LRRC4C: variants seen among roughly 807,000 people sequenced by gnomAD.
LRRC4C encodes leucine-rich repeat-containing protein 4C.
A neutral mutation model predicts 33.6 loss-of-function variants in LRRC4C; 5 were observed. The ratio of observed to expected loss-of-function variants is 0.15; its 90% CI spans 0.08 to 0.31. The LOEUF (loss-of-function observed/expected upper bound fraction) is 0.31. LRRC4C is among the 10% of genes least tolerant of loss of function. The pLI is 1.00. For synonymous variants in LRRC4C, 329 were observed against 302.0 expected, an observed-to-expected ratio of 1.09 and a Z score of -0.93; for missense variants, 560 against 796.7, an observed-to-expected ratio of 0.70 and a Z score of 3.58.
intron 1 of LRRC4C, among the ~76,000 whole-genome samples, chr11:41,324,813 C>A (rs997460): frequency 0.18 from 27,286 of 152,160 alleles, 2,855 homozygotes; most frequent in East Asian, 0.45. Flanking sequence ...CCTATGAATG[C>A]ATCTTTTCTT....
Position 40,935,825 on chromosome 11 carries a change from A to G in LRRC4C, c.-495-2102T>C, listed in dbSNP as rs542569714. 3.3e-5 allele frequency among the ~76,000 whole-genome samples: 5 copies of G among 151,516 alleles called. No individual in the cohort carries two copies. The East Asian group carries it at 9.8e-4, about 30-fold the overall frequency. On this transcript the variant is annotated intron_variant, in intron 1 of 6. Coordinates refer to ENST00000528697, the MANE Select transcript of LRRC4C (RefSeq NM_001258419.2). Reference sequence around the variant, plus strand: ...TAAATGAGTTCATTCTCTTGATTTAAGAAAATCTAGGTTCTACTTCCTGTT... The same window carrying G: ...TAAATGAGTTCATTCTCTTGATTTAGGAAAATCTAGGTTCTACTTCCTGTT...
At chr11:41,407,937 C>T (rs890044894) in intron 1 of LRRC4C, among the ~76,000 whole-genome samples, 1 of 152,170 alleles carries the variant, frequency 6.6e-6, no homozygotes, top group Non-Finnish European at 1.5e-5. Flanking sequence ...TTCTCAGAGA[C>T]AGCTTGCCTT....
At chr11:41,080,342 CTTT>C (rs71060997) in intron 1 of LRRC4C, among the ~76,000 whole-genome samples, 5 of 103,458 alleles carry the variant, frequency 4.8e-5, no homozygotes, top group South Asian at 3.6e-4. Context: ...GAGTCTCCTC[CTTT>C]TTTTTTTTTT....
chr11:40,787,778 A>C (rs1950474700), intron 2 of LRRC4C, among the ~76,000 whole-genome samples: 1 of 152,228 alleles, frequency 6.6e-6, no homozygotes, highest in African/African-American at 2.4e-5. Flanking sequence ...GAGCTAGCTG[A>C]GTGTAAAGTC....
chr11:41,379,740 A>G (rs1953072851), intron 1 of LRRC4C, among the ~76,000 whole-genome samples: 1 of 151,942 alleles, frequency 6.6e-6, no homozygotes, highest in African/African-American at 2.4e-5. Flanking sequence ...AACACTGGTG[A>G]TGTTAGGGGT....
chr11:40,665,306 C>A, intron 2 of LRRC4C, among the ~76,000 whole-genome samples: 1 of 30,574 alleles, frequency 3.3e-5, no homozygotes, highest in Non-Finnish European at 5.5e-5. Context: ...TCATTGCTTT[C>A]TTAAAAAAAA....
intron 2 of LRRC4C, among the ~76,000 whole-genome samples, chr11:40,864,475 A>G (rs750464126): frequency 8.5e-5 from 13 of 152,212 alleles, no homozygotes; most frequent in African/African-American, 1.2e-4. Context: ...CAATGGCAGA[A>G]CTGAGTAGTT....
At chr11:41,126,588 C>T (rs1293443627) in intron 1 of LRRC4C, among the ~76,000 whole-genome samples, 1 of 151,950 alleles carries the variant, frequency 6.6e-6, no homozygotes, top group Non-Finnish European at 1.5e-5. Context: ...CCAAAAGAAC[C>T]ATACTTCCTA....
At chr11:40,826,688 T>C (rs1036973577) in intron 2 of LRRC4C, among the ~76,000 whole-genome samples, 9 of 152,080 alleles carry the variant, frequency 5.9e-5, no homozygotes, top group South Asian at 2.1e-4. Context: ...TTGATACTAA[T>C]TGGAAAACTT....
chr11:40,632,596 C>T (rs571702480), intron 3 of LRRC4C, among the ~76,000 whole-genome samples: 4 of 152,322 alleles, frequency 2.6e-5, no homozygotes, highest in Admixed American at 2.0e-4. Context: ...TTAAATGTAG[C>T]TTTAAATACT....
intron 3 of LRRC4C, among the ~76,000 whole-genome samples, chr11:40,631,762 A>G (rs1010907211): frequency 1.8e-4 from 28 of 152,300 alleles, no homozygotes; most frequent in Non-Finnish European, 3.4e-4. Context: ...TTAGTATAGA[A>G]GCATTTGATC....
chr11:40,178,848 T>C (rs1379471032), intron 5 of LRRC4C, among the ~76,000 whole-genome samples: 1 of 152,180 alleles, frequency 6.6e-6, no homozygotes. Flanking sequence ...CTCTCCTGGC[T>C]ACCAGTAGCC....
At chr11:41,292,832 T>C (rs564261327) in intron 1 of LRRC4C, among the ~76,000 whole-genome samples, 1 of 152,218 alleles carries the variant, frequency 6.6e-6, no homozygotes, top group South Asian at 2.1e-4. Context: ...CTTAAAAAAT[T>C]TTTCAGGAGT....
At chr11:41,067,760 A>G (rs1026630125) in intron 1 of LRRC4C, among the ~76,000 whole-genome samples, 3 of 152,214 alleles carry the variant, frequency 2.0e-5, no homozygotes, top group African/African-American at 7.2e-5. Context: ...CTCACTTAAA[A>G]CCACACAACT....
chr11:41,146,580 C>G (rs1943736400), intron 1 of LRRC4C, among the ~76,000 whole-genome samples: 1 of 152,200 alleles, frequency 6.6e-6, no homozygotes, highest in Non-Finnish European at 1.5e-5. Flanking sequence ...AGCTCATTCA[C>G]TTAACAAACA....
At chr11:41,370,738 C>A (rs555082241) in intron 1 of LRRC4C, among the ~76,000 whole-genome samples, 3 of 152,076 alleles carry the variant, frequency 2.0e-5, no homozygotes, top group Admixed American at 2.0e-4. Context: ...GAGACATGGT[C>A]CCACTATATT....
intron 2 of LRRC4C, among the ~76,000 whole-genome samples, chr11:40,743,774 G>A (rs887802522): frequency 9.2e-5 from 14 of 152,010 alleles, no homozygotes; most frequent in African/African-American, 3.4e-4. Context: ...TGACCTTCAA[G>A]GTCCAGAAAG....
At chr11:40,169,821 G>A (rs1859899451) in intron 5 of LRRC4C, among the ~76,000 whole-genome samples, 1 of 152,066 alleles carries the variant, frequency 6.6e-6, no homozygotes. Context: ...TTTCTTATTA[G>A]CACTAATTAT....
chr11:40,851,162 C>T (rs1036856441), intron 2 of LRRC4C, among the ~76,000 whole-genome samples: 20 of 151,766 alleles, frequency 1.3e-4, no homozygotes, highest in African/African-American at 3.9e-4. Context: ...GCTTTCCAGG[C>T]GTCACTGGGG....
Sources: allele counts gnomAD v4.1 joint callset (sites outside exome capture counted in the v4.1 genomes callset), GRCh38; gene constraint gnomAD v4.1.1; transcripts MANE v1.5; gene names NCBI Gene and HGNC (gene_info 2026-07-23, HGNC 2026-07-21).